Variants in HPS3 observed in about 807,000 individuals in gnomAD.
HPS3 encodes the protein HPS3 biogenesis of lysosomal organelles complex 2 subunit 1.
In HPS3, 79 loss-of-function variants were observed where a neutral mutation model predicts 110.9. That is an observed-to-expected ratio of 0.71 (90% CI 0.59 to 0.86). HPS3 has a LOEUF of 0.86. Among genes scored for constraint, HPS3 ranks in the 40% least tolerant of loss-of-function variants. The pLI is 0.00. For missense variants in HPS3, 1,197 were observed against 1,206.2 expected (o/e 0.99, Z 0.11); for synonymous variants, 428 against 451.0 (o/e 0.95, Z 0.65).
At position 149,150,659 on chromosome 3, in the gene HPS3, G is replaced by A. The variant is rs752942876; in HGVS notation, c.1224G>A (p.Pro408=). Reference sequence around the variant, plus strand: ...CGGCGGCAGCTCGTGAGGAGGACCCGTACATGGACACCACCCTGAAGGTAA... The same window carrying A: ...CGGCGGCAGCTCGTGAGGAGGACCCATACATGGACACCACCCTGAAGGTAA... ...CSAAAAREED[P]YMDTTLKACP... Residue 408 remains proline, a synonymous_variant, in exon 6 of 17, where the codon CCG becomes CCA. Coordinates refer to ENST00000296051, the MANE Select transcript of HPS3 (RefSeq NM_032383.5). The A allele has an allele frequency of 5.8e-5, 93 of 1,613,582 alleles. No homozygotes were observed. Among genetic ancestry groups the A allele is most frequent in the South Asian group, 5.3e-4 (48 of 91,078 alleles).
chr3:149,155,138 A>G lies in HPS3; in HGVS notation c.1432A>G (p.Ile478Val). 1 of 1,609,530 alleles carries G rather than the reference A, an allele frequency of 6.2e-7. No homozygotes were observed. Among genetic ancestry groups the G allele is most frequent in the South Asian group, 1.1e-5 (1 of 90,968 alleles). The change falls in exon 8 of 17, where the codon ATA (isoleucine) becomes GTA (valine). Residue 478 changes from isoleucine to valine, a missense_variant. Transcript: ENST00000296051. ...SRKDTSVKIK[I>V]PPVAEAGWNL... ...AAAAGATACCAGTGTTAAAATCAAA[A>G]TACCTCCTGTAGCTGAGGCTGGGTG...
intron 8 of HPS3, 115 bp downstream of exon 8, chr3:149,155,330 CTCTG>C (rs991488200): frequency 5.6e-6 from 4 of 717,750 alleles, no homozygotes; most frequent in Non-Finnish European, 1.0e-5. Flanking sequence ...AGCTTCCTGG[CTCTG>C]TCTGACAGTG....
intron 4 of HPS3, 151 bp downstream of exon 4, chr3:149,141,531 GTTTTT>G (rs10718838): frequency 4.2e-5 from 16 of 380,696 alleles, no homozygotes; most frequent in East Asian, 1.1e-4. Flanking sequence ...TTTTTTTTTT[GTTTTT>G]TTTTTTTTTT....
chr3:149,152,505 A>G (rs1263562293), intron 6 of HPS3, among the ~76,000 whole-genome samples: 1 of 152,100 alleles, frequency 6.6e-6, no homozygotes, highest in African/African-American at 2.4e-5. Flanking sequence ...GCATAATCAC[A>G]CCTCACGGTT....
At chr3:149,156,272 C>T (rs71304455) in intron 8 of HPS3, among the ~76,000 whole-genome samples, 3,696 of 152,284 alleles carry the variant, frequency 0.024, 73 homozygotes, top group Non-Finnish European at 0.038. Flanking sequence ...AGGATACTCT[C>T]TTGCATACCA....
chr3:149,166,870 A>G (rs940353845), intron 14 of HPS3, among the ~76,000 whole-genome samples, 164 bp from the exon 15 acceptor site: 1 of 152,210 alleles, frequency 6.6e-6, no homozygotes, highest in Admixed American at 6.5e-5. Context: ...ATTATATTAT[A>G]CTTAGATTTA....
At chr3:149,154,561 C>G (rs1264184838) in intron 7 of HPS3, among the ~76,000 whole-genome samples, 1 of 152,130 alleles carries the variant, frequency 6.6e-6, no homozygotes, top group Non-Finnish European at 1.5e-5. Context: ...TTTAAAAATT[C>G]TAATTCATTT....
rs1250415186 is a variant in HPS3, at chr3:149,129,682, C to T, written c.-42C>T. The T allele has an allele frequency of 3.4e-6, 5 of 1,465,050 alleles. No individual in the cohort carries two copies. Among genetic ancestry groups the T allele is most frequent in the Non-Finnish European group, 3.6e-6 (4 of 1,103,220 alleles). The allele number at this position is 1,465,050 out of a possible 1,614,324, so 90.8% of individuals were successfully genotyped here. A position where few individuals can be genotyped will look rare whatever the true frequency, so the allele number is the denominator to read the frequency against. On this transcript the variant is annotated 5_prime_UTR_variant, in exon 1 of 17. Coordinates refer to ENST00000296051, the MANE Select transcript of HPS3 (RefSeq NM_032383.5). Reference sequence around the variant, plus strand: ...CGGTCAGCGCGGGGTCTCCGGGCGCCCTGCAGGGCGGGCAGGCTGTGCCAT... The same window carrying T: ...CGGTCAGCGCGGGGTCTCCGGGCGCTCTGCAGGGCGGGCAGGCTGTGCCAT...
rs765371581 is a variant in HPS3 at position 149,141,017 on chromosome 3, G to C, written c.713G>C (p.Gly238Ala). Residue 238 changes from glycine (G) to alanine (A), a missense_variant and splice_region_variant, in exon 3 of 17, where the codon GGC becomes GCC. Transcript: ENST00000296051. ...TNNRIRRTEE[G>A]ISNEISQLES... Reference sequence around the variant, plus strand: ...GACTGTTACATTTTATTTTTTTAAGGCATCAGTAATGAAATTTCACAGCTT... The same window carrying C: ...GACTGTTACATTTTATTTTTTTAAGCCATCAGTAATGAAATTTCACAGCTT... 44 of 1,613,166 alleles carry C rather than the reference G, an allele frequency of 2.7e-5. No homozygotes were observed. In the South Asian group the frequency reaches 4.8e-4, roughly 18 times the overall value.
Position 149,153,642 on chromosome 3 carries a change from G to A in HPS3, c.1394G>A (p.Arg465Lys). 6.2e-7 allele frequency: 1 copy of A among 1,614,184 alleles called. No homozygotes were observed. The highest frequency in any genetic ancestry group is 8.5e-7 in the Non-Finnish European group (1 of 1,180,006). ...AIPERRQSPK[R>K]LLSRKDTSVK... ...CCAGAGAGAAGACAGTCACCCAAGA[G>A]GCTTCTGTAAGCATCCCCTTGCCCC... is the stretch of plus-strand genomic sequence containing the variant. Residue 465 changes from arginine to lysine, a missense_variant, in exon 7 of 17, where the codon AGG becomes AAG. Physicochemically the swap from Arg to Lys is conservative, Grantham distance 26 (BLOSUM62 2). Coordinates refer to ENST00000296051, the MANE Select transcript of HPS3 (RefSeq NM_032383.5).
At chr3:149,153,678 G>A (rs751987132) in intron 7 of HPS3, 30 bp downstream of exon 7, 3 of 1,610,062 alleles carry the variant, frequency 1.9e-6, no homozygotes, top group Non-Finnish European at 2.6e-6. Context: ...AGGCATTCCT[G>A]CCAGTTTCTG....
At chr3:149,162,910 CT>C in intron 13 of HPS3, 32 bp downstream of exon 13, 1 of 1,527,404 alleles carries the variant, frequency 6.5e-7, no homozygotes, top group Non-Finnish European at 9.1e-7. Flanking sequence ...TTAAATTTAA[CT>C]CATGCATTGC....
intron 5 of HPS3, among the ~76,000 whole-genome samples, chr3:149,146,628 A>C (rs1722792022): frequency 6.6e-6 from 1 of 152,236 alleles, no homozygotes; most frequent in Non-Finnish European, 1.5e-5. Context: ...CAAACTGCAT[A>C]GAACCAATCT....
At chr3:149,141,531 G>GTTTTTTTTTTT (rs10718838) in intron 4 of HPS3, 151 bp downstream of exon 4, 9 of 382,624 alleles carry the variant, frequency 2.4e-5, no homozygotes, top group African/African-American at 7.7e-5. Flanking sequence ...TTTTTTTTTT[G>GTTTTTTTTTTT]TTTTTTTTTT....
intron 5 of HPS3, among the ~76,000 whole-genome samples, chr3:149,146,037 T>G (rs1025045298): frequency 2.0e-5 from 3 of 152,364 alleles, no homozygotes; most frequent in South Asian, 2.1e-4. Context: ...TTGGCCAAAG[T>G]CATGTGCTAA....
intron 1 of HPS3, among the ~76,000 whole-genome samples, chr3:149,132,314 T>G (rs140557039): frequency 6.6e-6 from 1 of 152,332 alleles, no homozygotes; most frequent in East Asian, 1.9e-4. Flanking sequence ...TGACTCTTGT[T>G]AGGGGGTGAT....
intron 9 of HPS3, among the ~76,000 whole-genome samples, chr3:149,157,854 C>T (rs1324457544): frequency 1.3e-5 from 2 of 152,054 alleles, no homozygotes. Context: ...ACATTAAAAA[C>T]ATATATTTTG....
At chr3:149,132,294 A>G (rs1397937719) in intron 1 of HPS3, among the ~76,000 whole-genome samples, 1 of 152,240 alleles carries the variant, frequency 6.6e-6, no homozygotes, top group South Asian at 2.1e-4. Flanking sequence ...CCTGGCTTCA[A>G]AGAACAGGCT....
chr3:149,170,421 C>G (rs1576714248), intron 16 of HPS3: 1 of 152,184 alleles, frequency 6.6e-6, no homozygotes, highest in African/African-American at 2.4e-5. Context: ...TTAGTAGTTG[C>G]TGTTTATTAA....
Sources: gnomAD v4.1 joint callset for allele counts (sites outside exome capture counted in the v4.1 genomes callset) on GRCh38, gnomAD v4.1.1 for gene constraint, MANE v1.5 for transcripts, NCBI Gene and HGNC (gene_info 2026-07-23, HGNC 2026-07-21) for gene names.